The following ARHGEF26 variants were observed in gnomAD, a reference collection of about 807,000 sequenced individuals.
The protein encoded by ARHGEF26 is Rho guanine nucleotide exchange factor (GEF) 26.
In ARHGEF26, 59 loss-of-function variants were observed where a neutral mutation model predicts 89.4. The ratio of observed to expected loss-of-function variants is 0.66; its 90% CI spans 0.54 to 0.82. The LOEUF (loss-of-function observed/expected upper bound fraction) is 0.82. Among genes scored for constraint, ARHGEF26 ranks in the 40% least tolerant of loss-of-function variants. ARHGEF26 has a pLI of 0.00. For missense variants in ARHGEF26, 1,234 were observed against 1,085.6 expected, an observed-to-expected ratio of 1.14 and a Z score of -1.92; for synonymous variants, 500 against 428.4, an observed-to-expected ratio of 1.17 and a Z score of -2.06.
rs545358228 is a variant in ARHGEF26 at position 154,245,618 on chromosome 3, G to A, written c.2300+5039G>A. On this transcript the variant is annotated intron_variant, in intron 12 of 14. Transcript: ENST00000465093. Reference sequence around the variant, plus strand: ...GTACTGCACACTGCAGTCTCATCTTGAGAATGCCCAGTGCTCGCTGTGTGT... The same window carrying A: ...GTACTGCACACTGCAGTCTCATCTTAAGAATGCCCAGTGCTCGCTGTGTGT... Among the ~76,000 whole-genome samples the A allele has an allele frequency of 9.2e-5, 14 of 152,238 alleles. No individual in the cohort carries two copies. In the East Asian group the frequency reaches 2.5e-3, roughly 27 times the overall value.
intron 9 of ARHGEF26, among the ~76,000 whole-genome samples, chr3:154,195,073 T>C (rs1396836622): frequency 6.6e-6 from 1 of 152,188 alleles, no homozygotes; most frequent in East Asian, 1.9e-4. Flanking sequence ...GTAGTCACTG[T>C]GCTCGTGGAA....
chr3:154,190,408 C>T (rs1713883234), intron 7 of ARHGEF26, among the ~76,000 whole-genome samples: 2 of 152,136 alleles, frequency 1.3e-5, no homozygotes, highest in African/African-American at 2.4e-5. Flanking sequence ...ACTTGTGAGG[C>T]TGAGGCATAG....
chr3:154,234,315 A>G (rs552113650), intron 11 of ARHGEF26, among the ~76,000 whole-genome samples: 2 of 152,116 alleles, frequency 1.3e-5, no homozygotes, highest in Non-Finnish European at 2.9e-5. Flanking sequence ...GTTCATCCGT[A>G]TTAAGTATCT....
chr3:154,149,036 G>T (rs1050198854), intron 4 of ARHGEF26, among the ~76,000 whole-genome samples: 8 of 152,158 alleles, frequency 5.3e-5, no homozygotes, highest in Non-Finnish European at 7.3e-5. Flanking sequence ...AGTTGGACTG[G>T]CGTCGATGCA....
intron 8 of ARHGEF26, among the ~76,000 whole-genome samples, chr3:154,194,212 T>C (rs1407405172): frequency 1.3e-5 from 2 of 152,244 alleles, no homozygotes; most frequent in Middle Eastern, 3.2e-3. Context: ...AAGTAACTCT[T>C]ATTTATTGAG....
At chr3:154,253,057 C>T (rs1718256452) in intron 12 of ARHGEF26, 59 bp from the exon 13 acceptor site, 3 of 1,594,090 alleles carry the variant, frequency 1.9e-6, no homozygotes, top group Non-Finnish European at 2.6e-6. Flanking sequence ...GCCTAGAAAA[C>T]ACTCCATTCT....
intron 6 of ARHGEF26, among the ~76,000 whole-genome samples, chr3:154,161,834 T>G (rs1711681826): frequency 6.6e-6 from 1 of 152,128 alleles, no homozygotes; most frequent in Non-Finnish European, 1.5e-5. Flanking sequence ...GGTGTTTTCT[T>G]TGTGAGTGGT....
chr3:154,248,071 A>C (rs1027196634), intron 12 of ARHGEF26, among the ~76,000 whole-genome samples: 3 of 152,210 alleles, frequency 2.0e-5, no homozygotes, highest in African/African-American at 7.2e-5. Context: ...GGCTTCCTGC[A>C]TTTGCAGTAA....
chr3:154,175,047 A>T (rs1444824715), intron 6 of ARHGEF26, among the ~76,000 whole-genome samples: 5 of 152,188 alleles, frequency 3.3e-5, no homozygotes, highest in African/African-American at 1.2e-4. Context: ...TCCTGTATAT[A>T]CTGCTTTCAG....
intron 9 of ARHGEF26, among the ~76,000 whole-genome samples, chr3:154,210,503 C>T (rs1315289447): frequency 2.0e-5 from 3 of 151,618 alleles, no homozygotes; most frequent in Non-Finnish European, 2.9e-5. Flanking sequence ...TTAGTAGAGA[C>T]GGGGTTTCAC....
intron 5 of ARHGEF26, among the ~76,000 whole-genome samples, chr3:154,151,740 T>C (rs1259123070): frequency 2.0e-5 from 3 of 152,144 alleles, no homozygotes; most frequent in African/African-American, 7.2e-5. Flanking sequence ...TCTAACCTGA[T>C]TTATAAAATA....
chr3:154,125,896 G>T (rs1036953140), intron 3 of ARHGEF26, among the ~76,000 whole-genome samples: 1 of 152,058 alleles, frequency 6.6e-6, no homozygotes, highest in East Asian at 1.9e-4. Flanking sequence ...TGTGATATTA[G>T]AGCCAGGCAG....
chr3:154,207,999 A>G (rs767059022), intron 9 of ARHGEF26, among the ~76,000 whole-genome samples: 5 of 152,198 alleles, frequency 3.3e-5, no homozygotes, highest in South Asian at 2.1e-4. Flanking sequence ...AGGAACGGAA[A>G]AACACATACC....
intron 6 of ARHGEF26, among the ~76,000 whole-genome samples, chr3:154,179,134 T>G (rs560808760): frequency 6.6e-6 from 1 of 152,342 alleles, no homozygotes; most frequent in Admixed American, 6.5e-5. Flanking sequence ...CTTTTAGTTA[T>G]GGACCCCTTT....
At chr3:154,173,193 C>T (rs1280583247) in intron 6 of ARHGEF26, among the ~76,000 whole-genome samples, 2 of 152,074 alleles carry the variant, frequency 1.3e-5, no homozygotes, top group African/African-American at 2.4e-5. Flanking sequence ...TTACCCTCCA[C>T]TCCTGCCACC....
intron 11 of ARHGEF26, among the ~76,000 whole-genome samples, chr3:154,239,787 G>A (rs1378791943): frequency 6.6e-6 from 1 of 152,110 alleles, no homozygotes; most frequent in African/African-American, 2.4e-5. Context: ...GAAGGATATT[G>A]GGGTTCCTGA....
chr3:154,250,357 A>C (rs1020336217), intron 12 of ARHGEF26, among the ~76,000 whole-genome samples: 2 of 151,420 alleles, frequency 1.3e-5, no homozygotes, highest in South Asian at 4.2e-4. Context: ...CCCCAGGGGA[A>C]GTCCTGTGGA....
intron 5 of ARHGEF26, among the ~76,000 whole-genome samples, chr3:154,151,461 A>G (rs964105295): frequency 6.6e-6 from 1 of 152,212 alleles, no homozygotes; most frequent in African/African-American, 2.4e-5. Flanking sequence ...CGTATACATC[A>G]ACACCTGAAA....
At chr3:154,202,430 TAGCGTGATGCCTCC>T (rs1341441005) in intron 9 of ARHGEF26, among the ~76,000 whole-genome samples, 1 of 152,160 alleles carries the variant, frequency 6.6e-6, no homozygotes, top group Admixed American at 6.5e-5. Flanking sequence ...TGAAGTCAGG[TAGCGTGATGCCTCC>T]AGCTTTGTTC....
Sources: allele counts gnomAD v4.1 joint callset (sites outside exome capture counted in the v4.1 genomes callset), GRCh38; gene constraint gnomAD v4.1.1; transcripts MANE v1.5; gene names NCBI Gene and HGNC (gene_info 2026-07-23, HGNC 2026-07-21).